The following F5 variants were observed in gnomAD, a reference collection of about 807,000 sequenced individuals.
F5 encodes coagulation factor V, also known as activated protein c cofactor.
F5 carries 138 observed loss-of-function variants against 216.4 expected under a neutral mutation model. That is an observed-to-expected ratio of 0.64 (90% CI 0.56 to 0.73). The LOEUF is 0.73. F5 is among the 30% of genes least tolerant of loss of function. The pLI, the probability that F5 is intolerant of heterozygous loss-of-function variation, is 0.00. For synonymous variants in F5, 916 were observed against 930.7 expected (o/e 0.98, Z 0.29); for missense variants, 2,403 against 2,674.0 (o/e 0.90, Z 2.24).
rs544211979 is a variant in F5 at position 169,552,462 on chromosome 1, G to C, written c.1296+95C>G. On this transcript the variant is annotated intron_variant, in intron 8 of 24. Coordinates refer to ENST00000367797, the MANE Select transcript of F5 (RefSeq NM_000130.5). ...GTTGCATTTGAATTTAAAATTATATGAGCATCTTTTTCTTTTAAAATTAAA... is the reference window on the plus strand; with the variant it reads ...GTTGCATTTGAATTTAAAATTATATCAGCATCTTTTTCTTTTAAAATTAAA... The C allele has an allele frequency of 1.7e-5, 17 of 1,028,440 alleles. No individual in the cohort carries two copies. The African/African-American group carries it at 2.3e-4, about 14-fold the overall frequency. 63.7% of individuals were successfully genotyped at this position (1,028,440 alleles called of 1,614,324 possible).
intron 8 of F5, among the ~76,000 whole-genome samples, chr1:169,551,310 C>T (rs1175105321): frequency 6.6e-6 from 1 of 152,122 alleles, no homozygotes; most frequent in African/African-American, 2.4e-5. Context: ...ATTAGCCAGG[C>T]GTTGGGGCGT....
chr1:169,568,528 CT>C (rs9332548), intron 3 of F5, among the ~76,000 whole-genome samples: 41,820 of 151,934 alleles, frequency 0.28, 6,069 homozygotes, highest in South Asian at 0.36. Context: ...GTGATTTTGA[CT>C]TTGTAATCAA....
In F5 at chr1:169,543,211, T is replaced by C. The variant is rs530640655; in HGVS notation, c.1976-97A>G. The stretch of plus-strand genomic sequence containing the variant: ...GTGGCAGGTAATTTCTAATAAACTT[T>C]CGTCAGGAATATTCAAGTATGGGCT... On this transcript the variant is annotated intron_variant, in intron 12 of 24. Transcript: ENST00000367797. The C allele has an allele frequency of 7.4e-4, 870 of 1,181,348 alleles. 7 individuals carry two copies. The Middle Eastern group carries it at 8.5e-3, about 12-fold the overall frequency. 73.2% of individuals were successfully genotyped at this position (1,181,348 alleles called of 1,614,324 possible).
At chr1:169,548,985 A>T (rs1388784520) in intron 10 of F5, among the ~76,000 whole-genome samples, 1 of 152,198 alleles carries the variant, frequency 6.6e-6, no homozygotes, top group East Asian at 1.9e-4. Flanking sequence ...TTGACTGAAT[A>T]TGCTCTGAAT....
At chr1:169,518,321 C>G in intron 23 of F5, 91 bp downstream of exon 23, 1 of 1,484,700 alleles carries the variant, frequency 6.7e-7, no homozygotes, top group East Asian at 2.3e-5. Flanking sequence ...TAAAATACTC[C>G]TGCTTCCCAG....
rs372690115 is a variant in F5 at position 169,552,625 on chromosome 1, T to G, written c.1228A>C (p.Asn410His). ...EDESFTKHTV[N>H]PNMKEDGILG... is the part of the protein sequence containing the mutation. ...ATCCCATCTTCTTTCATATTGGGATTCACTGTATGTTTGGTGAAGGACTCA... is the reference window on the plus strand; with the variant it reads ...ATCCCATCTTCTTTCATATTGGGATGCACTGTATGTTTGGTGAAGGACTCA... The change falls in exon 8 of 25, where the codon AAT becomes CAT. Residue 410 changes from asparagine (N) to histidine (H), a missense_variant. By Grantham distance (68) the Asn-to-His change is moderately conservative. Coordinates refer to ENST00000367797, the MANE Select transcript of F5 (RefSeq NM_000130.5). 5 of 1,613,572 alleles carry G rather than the reference T, an allele frequency of 3.1e-6. No individual in the cohort carries two copies. Among genetic ancestry groups the G allele is most frequent in the Non-Finnish European group, 4.2e-6 (5 of 1,179,716 alleles).
At chr1:169,564,131 G>A (rs1486037308) in intron 3 of F5, among the ~76,000 whole-genome samples, 1 of 152,024 alleles carries the variant, frequency 6.6e-6, no homozygotes, top group African/African-American at 2.4e-5. Flanking sequence ...TTATTAGGAG[G>A]TCTTTCTATG....
At chr1:169,550,591 G>T in intron 9 of F5, 49 bp downstream of exon 9, 1 of 1,412,806 alleles carries the variant, frequency 7.1e-7, no homozygotes, top group Non-Finnish European at 1.0e-6. Context: ...AAATGTGGCA[G>T]CCTCTCAGAA....
intron 2 of F5, among the ~76,000 whole-genome samples, chr1:169,573,843 T>C (rs1242977313): frequency 1.3e-5 from 2 of 152,166 alleles, no homozygotes; most frequent in Non-Finnish European, 2.9e-5. Flanking sequence ...ACAAATTCTG[T>C]CTGGGGAGTT....
chr1:169,514,698 C>T lies in F5; in HGVS notation c.6529-239G>A, dbSNP rs560214468. Among the ~76,000 whole-genome samples, 4 of 152,060 alleles carry T rather than the reference C, an allele frequency of 2.6e-5. No individual in the cohort carries two copies. In the South Asian group the frequency reaches 8.3e-4, roughly 32 times the overall value. ...CCCAGAAAATTTTTTATCCTATTAG[C>T]TCAAAATGAGCATATCAAAGAACAC... On this transcript the variant is annotated intron_variant, in intron 24 of 24. Coordinates refer to ENST00000367797, the MANE Select transcript of F5 (RefSeq NM_000130.5).
chr1:169,555,358 A>G lies in F5; in HGVS notation c.953-11T>C. The G allele has an allele frequency of 6.2e-7, 1 of 1,613,794 alleles. No homozygotes were observed. The highest frequency in any genetic ancestry group is 1.6e-4 in the Middle Eastern group (1 of 6,062). On this transcript the variant is annotated splice_polypyrimidine_tract_variant and intron_variant, in intron 6 of 24. Transcript: ENST00000367797. ...AAGCCTGCATCCCAGCTGAGTTAGGACAGAAAGACAATGAAATAACTCAAG... is the reference window on the plus strand; with the variant it reads ...AAGCCTGCATCCCAGCTGAGTTAGGGCAGAAAGACAATGAAATAACTCAAG...
chr1:169,534,805 A>C (rs1659668965), intron 14 of F5, among the ~76,000 whole-genome samples: 1 of 152,216 alleles, frequency 6.6e-6, no homozygotes, highest in South Asian at 2.1e-4. Flanking sequence ...GGTGGACTAC[A>C]TAAAGAAAAT....
At chr1:169,550,827 G>T in intron 8 of F5, 88 bp from the exon 9 acceptor site, 1 of 987,500 alleles carries the variant, frequency 1.0e-6, no homozygotes, top group Non-Finnish European at 1.6e-6. Flanking sequence ...TCACCTTTTG[G>T]ATGGTGTGTG....
intron 1 of F5, 98 bp downstream of exon 1, chr1:169,586,129 TAA>T (rs372224504): frequency 0.013 from 15,833 of 1,192,764 alleles, no homozygotes; most frequent in Non-Finnish European, 0.014. Flanking sequence ...TACCTGAAGT[TAA>T]AAAAAAAAAA....
In F5 at chr1:169,542,036, A is replaced by G; in HGVS notation, c.3054T>C (p.Ser1018=). The change falls in exon 13 of 25, where the codon AGT becomes AGC. Residue 1018 remains serine, a synonymous_variant. Coordinates refer to ENST00000367797, the MANE Select transcript of F5 (RefSeq NM_000130.5). Reference sequence around the variant, plus strand: ...TGAGAAACTGGCTTTTCTTCAGTCTACTCTTTCCTCCATCCTGTCTTACTT... The same window carrying G: ...TGAGAAACTGGCTTTTCTTCAGTCTGCTCTTTCCTCCATCCTGTCTTACTT... The part of the protein sequence containing the change: ...SLQVRQDGGK[S]RLKKSQFLIK... The G allele has an allele frequency of 6.2e-7, 1 of 1,613,542 alleles. No individual in the cohort carries two copies. The highest frequency in any genetic ancestry group is 8.5e-7 in the Non-Finnish European group (1 of 1,179,914).
intron 8 of F5, among the ~76,000 whole-genome samples, chr1:169,551,901 G>C (rs1660176609): frequency 6.6e-6 from 1 of 152,180 alleles, no homozygotes; most frequent in South Asian, 2.1e-4. Flanking sequence ...ACCTTCATCA[G>C]AGTCCAACCA....
At chr1:169,558,066 C>G (rs1660372999) in intron 5 of F5, among the ~76,000 whole-genome samples, 1 of 152,100 alleles carries the variant, frequency 6.6e-6, no homozygotes, top group African/African-American at 2.4e-5. Context: ...TATGGTTTTG[C>G]TTTTCTTGGC....
intron 7 of F5, among the ~76,000 whole-genome samples, 160 bp downstream of exon 7, chr1:169,555,022 T>C (rs1199287460): frequency 6.6e-6 from 1 of 152,202 alleles, no homozygotes; most frequent in African/African-American, 2.4e-5. Flanking sequence ...CTTTGGTGAT[T>C]TGGGGGTAAT....
intron 13 of F5, among the ~76,000 whole-genome samples, chr1:169,537,402 T>A (rs146680720): frequency 1.3e-5 from 2 of 152,134 alleles, no homozygotes; most frequent in Admixed American, 1.3e-4. Context: ...TGTCCATTAT[T>A]CTTAAGCTTC....
Sources: allele counts gnomAD v4.1 joint callset (sites outside exome capture counted in the v4.1 genomes callset), GRCh38; gene constraint gnomAD v4.1.1; transcripts MANE v1.5; gene names NCBI Gene and HGNC (gene_info 2026-07-23, HGNC 2026-07-21).